MCM9: variants seen among roughly 807,000 people sequenced by gnomAD.
MCM9 encodes the protein DNA helicase MCM9.
In MCM9, 55 loss-of-function variants were observed where a neutral mutation model predicts 72.8. The ratio of observed to expected loss-of-function variants is 0.76; its 90% CI spans 0.61 to 0.95. MCM9 has a LOEUF of 0.95. Among genes scored for constraint, MCM9 ranks in the 40% least tolerant of loss-of-function variants. The pLI is 0.00. For missense variants in MCM9, 1,279 were observed against 1,377.0 expected, an observed-to-expected ratio of 0.93 and a Z score of 1.13; for synonymous variants, 480 against 503.4, an observed-to-expected ratio of 0.95 and a Z score of 0.62.
At chr6:118,848,268 C>T (rs944112862) in intron 9 of MCM9, among the ~76,000 whole-genome samples, 2 of 151,774 alleles carry the variant, frequency 1.3e-5, no homozygotes, top group Admixed American at 6.6e-5. Flanking sequence ...AAAATAGGCT[C>T]ACTGATTACT....
intron 8 of MCM9, chr6:118,893,918 G>T: frequency 4.5e-6 from 3 of 668,180 alleles, no homozygotes; most frequent in East Asian, 1.3e-4. Context: ...GCCGGATCGC[G>T]CCCTCCCGCC....
chr6:118,878,454 T>C (rs894277507), intron 8 of MCM9, among the ~76,000 whole-genome samples: 6 of 152,168 alleles, frequency 3.9e-5, no homozygotes, highest in African/African-American at 1.4e-4. Context: ...ACTGTAACTT[T>C]GTAACTTTTT....
intron 8 of MCM9, among the ~76,000 whole-genome samples, chr6:118,898,791 G>A (rs1470466841): frequency 6.6e-6 from 1 of 152,120 alleles, no homozygotes; most frequent in African/African-American, 2.4e-5. Context: ...TCTTAAAACA[G>A]TTTCTTCACT....
At chr6:118,895,561 A>C (rs1485999858) in intron 8 of MCM9, among the ~76,000 whole-genome samples, 1 of 132,784 alleles carries the variant, frequency 7.5e-6, no homozygotes. Context: ...ATTAAGGTCA[A>C]CTCCTCATGT....
chr6:118,816,924 G>A (rs1773445824), intron 13 of MCM9, among the ~76,000 whole-genome samples: 1 of 152,152 alleles, frequency 6.6e-6, no homozygotes, highest in Admixed American at 6.5e-5. Flanking sequence ...AGGCAACTGT[G>A]ACAATCTTTC....
chr6:118,874,738 G>A (rs185933675), intron 8 of MCM9, among the ~76,000 whole-genome samples: 32 of 152,352 alleles, frequency 2.1e-4, no homozygotes, highest in Admixed American at 2.1e-3. Flanking sequence ...ATTATAGCAA[G>A]GTTGCAGGTT....
intron 3 of MCM9, among the ~76,000 whole-genome samples, chr6:118,927,289 C>T (rs1204380526): frequency 2.0e-5 from 3 of 152,176 alleles, no homozygotes; most frequent in Non-Finnish European, 2.9e-5. Flanking sequence ...TTACAGACTG[C>T]CTAGCATAAT....
chr6:118,878,114 A>G (rs1391796752), intron 8 of MCM9, among the ~76,000 whole-genome samples: 1 of 152,308 alleles, frequency 6.6e-6, no homozygotes, highest in Middle Eastern at 3.4e-3. Context: ...GTGAGCTATG[A>G]TAACACTACT....
At chr6:118,829,477 C>T (rs1418909074) in intron 9 of MCM9, among the ~76,000 whole-genome samples, 2 of 152,174 alleles carry the variant, frequency 1.3e-5, no homozygotes, top group East Asian at 1.9e-4. Context: ...ACTTTTTATG[C>T]CCCTGCTATG....
rs1241818534 is a variant in MCM9, at chr6:118,856,456, CA to C, written c.1239del (p.Ile413MetfsTer24). The C allele has an allele frequency of 6.5e-7, 1 of 1,535,700 alleles. No homozygotes were observed. The highest frequency in any genetic ancestry group is 2.0e-5 in the Admixed American group (1 of 51,004). On this transcript the variant is annotated frameshift_variant, in exon 9 of 14. Coordinates refer to ENST00000619706, the MANE Select transcript of MCM9 (RefSeq NM_017696.3). LOFTEE classifies it high-confidence loss of function. ...LVLADAGLCC[I>X]DEFNSLKEHD... is the part of the protein sequence containing the mutation. ...TGCTCTTTGAGGCTATTGAACTCAT[CA>C]ATACAGCAAAGGCCCGCATCTGCAA...
intron 8 of MCM9, among the ~76,000 whole-genome samples, chr6:118,887,725 T>C (rs1016245337): frequency 6.6e-6 from 1 of 151,620 alleles, no homozygotes; most frequent in African/African-American, 2.4e-5. Flanking sequence ...GCAAATCATG[T>C]GTTTGACAAA....
intron 9 of MCM9, among the ~76,000 whole-genome samples, chr6:118,849,431 TTGTGTG>T (rs370265605): frequency 1.2e-4 from 18 of 148,952 alleles, no homozygotes; most frequent in African/African-American, 3.0e-4. Context: ...AAGGTACAGT[TTGTGTG>T]TGTGTGTGTG....
intron 8 of MCM9, among the ~76,000 whole-genome samples, chr6:118,890,243 C>T (rs1478269409): frequency 1.3e-5 from 2 of 152,078 alleles, no homozygotes; most frequent in South Asian, 2.1e-4. Context: ...GAAAATGATA[C>T]CAATCTATTT....
intron 9 of MCM9, among the ~76,000 whole-genome samples, chr6:118,835,980 G>A (rs1366816472): frequency 6.6e-6 from 1 of 152,082 alleles, no homozygotes; most frequent in African/African-American, 2.4e-5. Flanking sequence ...TATCGGCTGT[G>A]GGTTTGTCAT....
chr6:118,843,098 T>C (rs1775498702), intron 9 of MCM9, among the ~76,000 whole-genome samples: 1 of 152,060 alleles, frequency 6.6e-6, no homozygotes, highest in African/African-American at 2.4e-5. Flanking sequence ...TATAACAAGC[T>C]TTTGCAGTGC....
chr6:118,879,600 A>C (rs1023734728), intron 8 of MCM9, among the ~76,000 whole-genome samples: 4 of 152,216 alleles, frequency 2.6e-5, no homozygotes, highest in African/African-American at 9.7e-5. Flanking sequence ...TCATATTATA[A>C]TGGCAGAGGT....
At chr6:118,882,014 G>A (rs150107752) in intron 8 of MCM9, among the ~76,000 whole-genome samples, 1,579 of 152,246 alleles carry the variant, frequency 0.01, 30 homozygotes, top group African/African-American at 0.036. Context: ...TCCCCTCCAC[G>A]TGTGAGGTAC....
At chr6:118,925,121 G>A (rs1056237018) in intron 3 of MCM9, among the ~76,000 whole-genome samples, 9 of 151,810 alleles carry the variant, frequency 5.9e-5, no homozygotes, top group Admixed American at 5.3e-4. Flanking sequence ...GGGAGAGGAG[G>A]GGAGGAGGAA....
chr6:118,826,426 G>A (rs1774172462), intron 12 of MCM9, 134 bp from the exon 13 acceptor site: 3 of 925,550 alleles, frequency 3.2e-6, no homozygotes, highest in Non-Finnish European at 4.6e-6. Flanking sequence ...AATCACTTGG[G>A]AGGCTTTTTC....
Sources: allele counts gnomAD v4.1 joint callset (sites outside exome capture counted in the v4.1 genomes callset), GRCh38; gene constraint gnomAD v4.1.1; transcripts MANE v1.5; gene names NCBI Gene and HGNC (gene_info 2026-07-23, HGNC 2026-07-21).